Variants in MYO3A observed in about 807,000 individuals in gnomAD.
The protein encoded by MYO3A is myosin-IIIa.
A neutral mutation model predicts 192.7 loss-of-function variants in MYO3A; 180 were observed. That is an observed-to-expected ratio of 0.93 (90% CI 0.83 to 1.06). The LOEUF is 1.06. MYO3A is among the 50% of genes least tolerant of loss of function. The pLI, the probability that MYO3A is intolerant of heterozygous loss-of-function variation, is 0.00. For synonymous variants in MYO3A, 628 were observed against 645.3 expected (o/e 0.97, Z 0.41); for missense variants, 1,896 against 1,905.0 (o/e 1.00, Z 0.09).
intron 34 of MYO3A, among the ~76,000 whole-genome samples, chr10:26,205,480 G>C (rs1326902841): frequency 2.0e-5 from 2 of 100,512 alleles, no homozygotes; most frequent in African/African-American, 9.0e-5. Context: ...TTTTTTTTTT[G>C]GGGGGGGGCT....
chr10:26,001,552 G>A (rs1348554539), intron 6 of MYO3A, among the ~76,000 whole-genome samples: 1 of 152,204 alleles, frequency 6.6e-6, no homozygotes, highest in African/African-American at 2.4e-5. Flanking sequence ...CAGACCACAA[G>A]CTCCCTGGAG....
chr10:25,967,263 T>C (rs1838323310), intron 4 of MYO3A, among the ~76,000 whole-genome samples: 2 of 152,184 alleles, frequency 1.3e-5, no homozygotes, highest in African/African-American at 4.8e-5. Context: ...AAAGAATCAA[T>C]GTAGGGCTGT....
intron 17 of MYO3A, among the ~76,000 whole-genome samples, chr10:26,102,291 C>G (rs1166110423): frequency 6.6e-6 from 1 of 152,172 alleles, no homozygotes; most frequent in African/African-American, 2.4e-5. Flanking sequence ...TCTAGTTAGC[C>G]ATTTGTCTAA....
At chr10:26,111,018 C>G (rs1838144979) in intron 17 of MYO3A, among the ~76,000 whole-genome samples, 1 of 151,852 alleles carries the variant, frequency 6.6e-6, no homozygotes, top group African/African-American at 2.4e-5. Context: ...GTGATTACAA[C>G]CATGCCCAGC....
At chr10:26,063,356 A>G (rs1432461168) in intron 10 of MYO3A, among the ~76,000 whole-genome samples, 1 of 152,252 alleles carries the variant, frequency 6.6e-6, no homozygotes, top group East Asian at 1.9e-4. Context: ...TTGGTGTTGC[A>G]TATAAAAACT....
chr10:25,990,418 T>C lies in MYO3A; in HGVS notation c.304-6072T>C, dbSNP rs533519922. 3.9e-5 allele frequency among the ~76,000 whole-genome samples: 6 copies of C among 152,290 alleles called. No homozygotes were observed. The South Asian group carries it at 1.2e-3, about 32-fold the overall frequency. On this transcript the variant is annotated intron_variant, in intron 4 of 34. Coordinates refer to ENST00000642920, the MANE Select transcript of MYO3A (RefSeq NM_017433.5). ...TGATTAAACTATCATAAATCAATAA[T>C]GCTTTTAAGCCCTAGATCCTAAAAT...
chr10:26,126,971 T>C (rs1564574973), intron 19 of MYO3A, among the ~76,000 whole-genome samples: 1 of 152,116 alleles, frequency 6.6e-6, no homozygotes, highest in East Asian at 1.9e-4. Flanking sequence ...CTTTAAACGG[T>C]ATATGTTGTA....
At chr10:25,961,979 C>G (rs1012224399) in intron 4 of MYO3A, among the ~76,000 whole-genome samples, 1 of 152,152 alleles carries the variant, frequency 6.6e-6, no homozygotes, top group African/African-American at 2.4e-5. Flanking sequence ...AATCTACATA[C>G]AGAAGGTGAG....
chr10:25,943,770 G>T (rs1836655506), intron 2 of MYO3A, among the ~76,000 whole-genome samples: 1 of 125,816 alleles, frequency 7.9e-6, no homozygotes. Context: ...TCTAACATTT[G>T]TGTGTGTGTG....
intron 28 of MYO3A, 79 bp downstream of exon 28, chr10:26,168,953 G>A: frequency 7.1e-7 from 1 of 1,405,152 alleles, no homozygotes; most frequent in Non-Finnish European, 9.9e-7. Flanking sequence ...TCCAATTCTT[G>A]TGTAGCTTTT....
chr10:26,010,279 G>C (rs902112070), intron 6 of MYO3A, among the ~76,000 whole-genome samples: 3 of 152,180 alleles, frequency 2.0e-5, no homozygotes, highest in Admixed American at 6.5e-5. Flanking sequence ...CAGTTACCTT[G>C]AGTTGCTGTA....
chr10:26,207,204 C>T (rs1346900989), intron 34 of MYO3A, among the ~76,000 whole-genome samples: 1 of 151,948 alleles, frequency 6.6e-6, no homozygotes, highest in Non-Finnish European at 1.5e-5. Context: ...CTCTGCTGTG[C>T]AGAAGCTTTT....
Position 26,202,826 on chromosome 10 carries a change from A to G in MYO3A, c.4587-138A>G, listed in dbSNP as rs908143884. On this transcript the variant is annotated intron_variant, in intron 33 of 34. Coordinates refer to ENST00000642920, the MANE Select transcript of MYO3A (RefSeq NM_017433.5). ...GATACACTGTTTTTCCCACATTTCA[A>G]GACCTTCCATTTCTATTGACATGTG... The G allele has an allele frequency of 6.2e-6, 6 of 972,342 alleles. No homozygotes were observed. In the Admixed American group the frequency reaches 1.5e-4, roughly 24 times the overall value. 60.2% of individuals were successfully genotyped at this position (972,342 alleles called of 1,614,324 possible). A position where few individuals can be genotyped will look rare whatever the true frequency, so the allele number is the denominator to read the frequency against.
At chr10:26,185,331 T>C (rs1343887770) in intron 31 of MYO3A, among the ~76,000 whole-genome samples, 2 of 61,028 alleles carry the variant, frequency 3.3e-5, no homozygotes, top group African/African-American at 2.1e-4. Context: ...CCAGGATTCT[T>C]TTTTTTTTTT....
At chr10:26,139,801 A>G (rs1028282460) in intron 20 of MYO3A, among the ~76,000 whole-genome samples, 3 of 152,144 alleles carry the variant, frequency 2.0e-5, no homozygotes, top group East Asian at 3.9e-4. Flanking sequence ...CCAAGGCAGG[A>G]CAATCACTTG....
chr10:26,147,201 C>T (rs1840515771), intron 22 of MYO3A, among the ~76,000 whole-genome samples: 2 of 152,082 alleles, frequency 1.3e-5, no homozygotes, highest in African/African-American at 4.8e-5. Flanking sequence ...CCTCTTTGGT[C>T]ATTTCAACCC....
intron 10 of MYO3A, among the ~76,000 whole-genome samples, chr10:26,038,079 T>C (rs969666458): frequency 1.2e-4 from 18 of 152,254 alleles, no homozygotes; most frequent in Non-Finnish European, 1.6e-4. Context: ...TTTATGCTAG[T>C]ACCCTGCTGT....
chr10:26,060,687 A>G (rs1834411227), intron 10 of MYO3A, among the ~76,000 whole-genome samples: 1 of 152,230 alleles, frequency 6.6e-6, no homozygotes, highest in Non-Finnish European at 1.5e-5. Context: ...ATTAACCAGA[A>G]AAATAAGCAG....
At position 26,203,065 on chromosome 10, in the gene MYO3A, C is replaced by T. The variant is rs1843750043; in HGVS notation, c.4688C>T (p.Pro1563Leu). 3.1e-6 allele frequency: 5 copies of T among 1,613,646 alleles called. No homozygotes were observed. The East Asian group carries it at 6.7e-5, about 22-fold the overall frequency. Residue 1563 changes from proline to leucine, a missense_variant, in exon 34 of 35, where the codon CCA becomes CTA. Transcript: ENST00000642920. ...AGCCCTAGTTTAAGAGAACGAAGAC[C>T]ACAGCAAGAACTCCAGAATCAATGT... The part of the protein sequence containing the change: ...EHSPSLRERR[P>L]QQELQNQCIK...
Sources: gnomAD v4.1 joint callset for allele counts (sites outside exome capture counted in the v4.1 genomes callset) on GRCh38, gnomAD v4.1.1 for gene constraint, MANE v1.5 for transcripts, NCBI Gene and HGNC (gene_info 2026-07-23, HGNC 2026-07-21) for gene names.